Variants in EP400 observed in about 807,000 individuals in gnomAD.
The protein encoded by EP400 is E1A-binding protein p400.
EP400 carries 105 observed loss-of-function variants against 354.1 expected under a neutral mutation model. The ratio of observed to expected loss-of-function variants is 0.30; its 90% CI spans 0.25 to 0.35. The LOEUF is 0.35. EP400 is among the 10% of genes least tolerant of loss of function. EP400 has a pLI of 1.00. For synonymous variants in EP400, 1,646 were observed against 1,716.9 expected, an observed-to-expected ratio of 0.96 and a Z score of 1.02; for missense variants, 3,280 against 4,121.0, an observed-to-expected ratio of 0.80 and a Z score of 5.59.
At chr12:132,073,568 C>G (rs982447982) in intron 51 of EP400, among the ~76,000 whole-genome samples, 9 of 150,752 alleles carry the variant, frequency 6.0e-5, no homozygotes, top group Non-Finnish European at 1.3e-4. Flanking sequence ...AGTCTCCTGC[C>G]TCAGCCTCCT....
In EP400 at chr12:132,075,615, G is replaced by A. The variant is rs1896210751; in HGVS notation, c.9022-901G>A. ...GAATTTTATTTATAATTGTTTAAGT[G>A]ACAGTAAACTAGTAAATGCCTTCTG... On this transcript the variant is annotated intron_variant, in intron 51 of 52. Coordinates refer to ENST00000389561, the MANE Select transcript of EP400 (RefSeq NM_015409.5). This position sits in a 1 kb window ranked among gnomAD's most constrained non-coding sequence, Gnocchi z 4.5. 1 of 152,192 alleles carries A rather than the reference G, an allele frequency of 6.6e-6. No homozygotes were observed. Among genetic ancestry groups the A allele is most frequent in the African/African-American group, 2.4e-5 (1 of 41,436 alleles). 9.4% of individuals were successfully genotyped at this position (152,192 alleles called of 1,614,324 possible). A position where few individuals can be genotyped will look rare whatever the true frequency, so the allele number is the denominator to read the frequency against.
Position 131,987,899 on chromosome 12 carries a change from G to A in EP400, c.2409+9G>A, listed in dbSNP as rs1417301705. ...TGGCTGCTGCGAAGAAGGTGGGTTGGAATGCGTGGAGCTGCTGTGCTGTGT... is the reference window on the plus strand; with the variant it reads ...TGGCTGCTGCGAAGAAGGTGGGTTGAAATGCGTGGAGCTGCTGTGCTGTGT... On this transcript the variant is annotated intron_variant, in intron 7 of 52. Coordinates refer to ENST00000389561, the MANE Select transcript of EP400 (RefSeq NM_015409.5). 1 of 1,598,644 alleles carries A rather than the reference G, an allele frequency of 6.3e-7. No individual in the cohort carries two copies. The highest frequency in any genetic ancestry group is 8.5e-7 in the Non-Finnish European group (1 of 1,171,686).
At chr12:132,009,830 ATTTTTTTT>A (rs35513772) in intron 15 of EP400, among the ~76,000 whole-genome samples, 463 of 79,730 alleles carry the variant, frequency 5.8e-3, no homozygotes, top group Non-Finnish European at 8.5e-3. Flanking sequence ...CGCCTGGCTA[ATTTTTTTT>A]TTTTTTTTTT....
intron 10 of EP400, among the ~76,000 whole-genome samples, chr12:131,991,913 GTCTAC>G (rs1893049516): frequency 6.6e-6 from 1 of 152,176 alleles, no homozygotes; most frequent in Non-Finnish European, 1.5e-5. Flanking sequence ...TATAGACTCA[GTCTAC>G]TTTGAAAATA....
At chr12:132,010,250 C>G (rs1324674353) in intron 15 of EP400, among the ~76,000 whole-genome samples, 2 of 152,010 alleles carry the variant, frequency 1.3e-5, no homozygotes, top group Non-Finnish European at 2.9e-5. Context: ...CCACGCCCAG[C>G]TAATTTTTGT....
intron 33 of EP400, 68 bp downstream of exon 33, chr12:132,043,530 T>G: frequency 6.3e-7 from 1 of 1,585,152 alleles, no homozygotes; most frequent in Non-Finnish European, 8.6e-7. Context: ...ATATTTATTG[T>G]TTACTGCAAG....
Position 132,037,973 on chromosome 12 carries a change from T to G in EP400, c.6084T>G (p.Phe2028Leu). Residue 2028 changes from phenylalanine (F) to leucine (L), a missense_variant, in exon 32 of 53, where the codon TTT becomes TTG. Physicochemically the swap from Phe to Leu is conservative, Grantham distance 22. Coordinates refer to ENST00000389561, the MANE Select transcript of EP400 (RefSeq NM_015409.5). ...TTCAGCGAACCATCCAGGAGCTGTT[T>G]GAAGTTTATTCTCCCATGGATGATG... is the stretch of plus-strand genomic sequence containing the variant. ...FLTQRTIQEL[F>L]EVYSPMDDAG... 1.2e-6 allele frequency: 2 copies of G among 1,614,222 alleles called. No individual in the cohort carries two copies. The highest frequency in any genetic ancestry group is 1.7e-6 in the Non-Finnish European group (2 of 1,180,042).
intron 35 of EP400, 79 bp downstream of exon 35, chr12:132,044,390 G>C: frequency 6.5e-7 from 1 of 1,529,976 alleles, no homozygotes; most frequent in Non-Finnish European, 8.8e-7. Context: ...CTTGTTCAAA[G>C]TCTGTGTACA....
chr12:131,990,692 T>G lies in EP400; in HGVS notation c.2607T>G (p.Asn869Lys). The G allele has an allele frequency of 3.1e-6, 5 of 1,612,724 alleles. No individual in the cohort carries two copies. The highest frequency in any genetic ancestry group is 4.2e-6 in the Non-Finnish European group (5 of 1,179,376). Reference sequence around the variant, plus strand: ...AAGAAAAAAGGAAGAAGGCCTTAAATTTACAGAAAGTTTCCAGGAGAGGTA... The same window carrying G: ...AAGAAAAAAGGAAGAAGGCCTTAAAGTTACAGAAAGTTTCCAGGAGAGGTA... ...ELEEKRKKAL[N>K]LQKVSRRGKE... The change falls in exon 9 of 53, where the codon AAT becomes AAG. Residue 869 changes from asparagine to lysine, a missense_variant. Asn to Lys is a moderately conservative substitution (Grantham distance 94). Around this residue, in one of 20 missense-constraint regions of EP400, gnomAD observed 800 missense variants for 840.0 expected, o/e 0.95. Coordinates refer to ENST00000389561, the MANE Select transcript of EP400 (RefSeq NM_015409.5). The surrounding 1 kb of genome is among the most constrained non-coding windows in gnomAD (Gnocchi z 4.2).
chr12:131,968,848 C>T (rs1027497245), intron 2 of EP400, among the ~76,000 whole-genome samples: 1 of 152,082 alleles, frequency 6.6e-6, no homozygotes. Context: ...AAAAAAATTT[C>T]CAGCTGTTTA....
At chr12:132,032,424 G>T (rs928101210) in intron 30 of EP400, among the ~76,000 whole-genome samples, 1 of 152,154 alleles carries the variant, frequency 6.6e-6, no homozygotes, top group Non-Finnish European at 1.5e-5. Context: ...GCTTGAAATT[G>T]TAAGTTAGTG....
In EP400 at chr12:132,032,162, G is replaced by T. The variant is rs919539075; in HGVS notation, c.5951+13G>T. ...TCCACATATACAGGTGAGGGCCTGCGGGGGATAGGATCAGGAGATGCAAAG... is the reference window on the plus strand; with the variant it reads ...TCCACATATACAGGTGAGGGCCTGCTGGGGATAGGATCAGGAGATGCAAAG... On this transcript the variant is annotated intron_variant, in intron 30 of 52. Coordinates refer to ENST00000389561, the MANE Select transcript of EP400 (RefSeq NM_015409.5). 1 of 1,607,666 alleles carries T rather than the reference G, an allele frequency of 6.2e-7. No individual in the cohort carries two copies. The highest frequency in any genetic ancestry group is 8.5e-7 in the Non-Finnish European group (1 of 1,175,830).
intron 12 of EP400, among the ~76,000 whole-genome samples, chr12:131,999,131 C>G (rs907039733): frequency 1.2e-4 from 18 of 151,904 alleles, no homozygotes; most frequent in African/African-American, 4.4e-4. Context: ...TGAGTCATAA[C>G]TGCATGGTTC....
chr12:132,044,349 T>A, intron 35 of EP400, 38 bp downstream of exon 35: 1 of 1,595,196 alleles, frequency 6.3e-7, no homozygotes. Context: ...CTTGCCCCCC[T>A]GCTGAGGGGC....
chr12:132,044,339 C>A, intron 35 of EP400, 28 bp downstream of exon 35: 1 of 1,601,862 alleles, frequency 6.2e-7, no homozygotes, highest in Non-Finnish European at 8.5e-7. Context: ...CTCCTGCCCT[C>A]TTGCCCCCCT....
Position 132,064,847 on chromosome 12 carries a change from G to T in EP400, c.8514G>T (p.Leu2838=). 6.2e-7 allele frequency: 1 copy of T among 1,611,644 alleles called. No homozygotes were observed. Among genetic ancestry groups the T allele is most frequent in the Middle Eastern group, 1.7e-4 (1 of 5,856 alleles). The part of the protein sequence containing the change: ...TVTAPRPGAL[L]TGTTVANLQV... Reference sequence around the variant, plus strand: ...CGGCCCCAAGGCCTGGTGCCCTGCTGACGGGCACCACCGTGGCCAACCTCC... The same window carrying T: ...CGGCCCCAAGGCCTGGTGCCCTGCTTACGGGCACCACCGTGGCCAACCTCC... Residue 2838 remains leucine (L), a synonymous_variant, in exon 48 of 53, where the codon CTG becomes CTT. Transcript: ENST00000389561.
At chr12:132,037,126 T>G (rs1187045556) in intron 30 of EP400, among the ~76,000 whole-genome samples, 1 of 152,238 alleles carries the variant, frequency 6.6e-6, no homozygotes, top group East Asian at 1.9e-4. Flanking sequence ...TGATGGAATC[T>G]TGAGGAAGCC....
intron 5 of EP400, among the ~76,000 whole-genome samples, chr12:131,985,312 C>T (rs909641167): frequency 6.6e-6 from 1 of 152,218 alleles, no homozygotes; most frequent in East Asian, 1.9e-4. Context: ...AAGACACAGC[C>T]GCTCACGGAC....
chr12:132,002,348 A>G (rs1653760125), intron 12 of EP400, among the ~76,000 whole-genome samples: 1 of 152,152 alleles, frequency 6.6e-6, no homozygotes, highest in Admixed American at 6.5e-5. Context: ...AGTATTTACA[A>G]ATTATTTCAT....
Sources: gnomAD v4.1 joint callset for allele counts (sites outside exome capture counted in the v4.1 genomes callset) on GRCh38, gnomAD v4.1.1 for gene constraint, gnomAD v4.1.1 regional missense constraint, Gnocchi (gnomAD v3.1) non-coding constraint, MANE v1.5 for transcripts, NCBI Gene and HGNC (gene_info 2026-07-23, HGNC 2026-07-21) for gene names.